The following KCNB2 variants were observed in gnomAD, a reference collection of about 807,000 sequenced individuals.
KCNB2 encodes delayed rectifier potassium channel protein.
Under a neutral mutation model 61.5 loss-of-function variants are expected in KCNB2, and 15 were observed. That is an observed-to-expected ratio of 0.24 (90% CI 0.16 to 0.38). The LOEUF (loss-of-function observed/expected upper bound fraction) is 0.38. KCNB2 is among the 10% of genes least tolerant of loss of function. KCNB2 has a pLI of 1.00. For synonymous variants in KCNB2, 457 were observed against 446.0 expected (o/e 1.02, Z -0.31); for missense variants, 828 against 1,125.2 (o/e 0.74, Z 3.78).
chr8:72,902,848 A>G (rs6472714), intron 2 of KCNB2, among the ~76,000 whole-genome samples: 87,786 of 151,960 alleles, frequency 0.58, 25,623 homozygotes, highest in Middle Eastern at 0.7. Flanking sequence ...CCTGCATCTT[A>G]TTTTTCCTCC....
At chr8:72,916,004 A>G (rs1246863991) in intron 2 of KCNB2, among the ~76,000 whole-genome samples, 1 of 152,092 alleles carries the variant, frequency 6.6e-6, no homozygotes, top group Admixed American at 6.6e-5. Flanking sequence ...TTTTTCAACT[A>G]TTTATAAGGC....
In KCNB2 at chr8:72,800,993, G is replaced by T. The variant is rs538078436; in HGVS notation, c.580-134942G>T. Among the ~76,000 whole-genome samples the T allele has an allele frequency of 3.3e-5, 5 of 152,246 alleles. No homozygotes were observed. In the South Asian group the frequency reaches 1.0e-3, roughly 32 times the overall value. ...CACAAGTGTCCCTCACATTATGTTT[G>T]CTCTGTTTCCTGTATGAGATGGTTC... On this transcript the variant is annotated intron_variant, in intron 2 of 2. Transcript: ENST00000523207.
intron 2 of KCNB2, among the ~76,000 whole-genome samples, chr8:72,597,061 G>A (rs1048203768): frequency 1.7e-5 from 2 of 115,626 alleles, no homozygotes; most frequent in African/African-American, 6.8e-5. Context: ...CTCTCATTCT[G>A]TCACCAGGCT....
chr8:72,840,751 C>A (rs1020914345), intron 2 of KCNB2, among the ~76,000 whole-genome samples: 1 of 150,534 alleles, frequency 6.6e-6, no homozygotes, highest in African/African-American at 2.4e-5. Flanking sequence ...TTTTTGATGG[C>A]ATTTTTTTTT....
intron 2 of KCNB2, among the ~76,000 whole-genome samples, chr8:72,767,312 G>A (rs1244281049): frequency 6.6e-6 from 1 of 151,956 alleles, no homozygotes; most frequent in Non-Finnish European, 1.5e-5. Context: ...CAATGTAATT[G>A]TTATAGTATA....
intron 2 of KCNB2, among the ~76,000 whole-genome samples, chr8:72,799,271 G>GTTAGT (rs1320746699): frequency 3.3e-5 from 5 of 152,166 alleles, no homozygotes; most frequent in African/African-American, 9.6e-5. Context: ...GCAAATCAAT[G>GTTAGT]TTAGTTTTCT....
intron 2 of KCNB2, among the ~76,000 whole-genome samples, chr8:72,625,736 A>G (rs1230964622): frequency 2.0e-5 from 3 of 152,274 alleles, no homozygotes; most frequent in Non-Finnish European, 4.4e-5. Context: ...CAGAAAAATG[A>G]GCATTTCTTT....
intron 2 of KCNB2, among the ~76,000 whole-genome samples, chr8:72,709,579 A>G (rs1807291034): frequency 6.6e-6 from 1 of 151,830 alleles, no homozygotes; most frequent in African/African-American, 2.4e-5. Flanking sequence ...GAGAGGAGAG[A>G]TGCCATACAC....
intron 2 of KCNB2, among the ~76,000 whole-genome samples, chr8:72,780,400 T>C (rs183232256): frequency 1.3e-3 from 193 of 152,330 alleles, no homozygotes; most frequent in African/African-American, 4.2e-3. Flanking sequence ...AATTTTAATA[T>C]TGTCATGTAG....
intron 2 of KCNB2, chr8:72,618,732 ATTTTGTCTAC>A (rs1368970674): frequency 1.2e-5 from 2 of 168,228 alleles, no homozygotes; most frequent in African/African-American, 4.8e-5. Context: ...TCACGGTTCC[ATTTTGTCTAC>A]TTTCTTTGTA....
chr8:72,843,372 T>C (rs1369884174), intron 2 of KCNB2, among the ~76,000 whole-genome samples: 1 of 152,142 alleles, frequency 6.6e-6, no homozygotes. Flanking sequence ...GGTCAATTTT[T>C]GAATAAGTGT....
At chr8:72,911,188 G>A (rs1018036554) in intron 2 of KCNB2, among the ~76,000 whole-genome samples, 1 of 152,190 alleles carries the variant, frequency 6.6e-6, no homozygotes, top group Non-Finnish European at 1.5e-5. Flanking sequence ...ACAACAGTCT[G>A]CATCACTAGA....
intron 2 of KCNB2, among the ~76,000 whole-genome samples, chr8:72,884,061 CCT>C (rs1475981708): frequency 6.6e-6 from 1 of 152,086 alleles, no homozygotes; most frequent in Non-Finnish European, 1.5e-5. Flanking sequence ...AGCTTTCATT[CCT>C]CTTTCTCTTT....
intron 2 of KCNB2, among the ~76,000 whole-genome samples, chr8:72,724,690 T>C (rs1807604039): frequency 6.6e-6 from 1 of 152,124 alleles, no homozygotes; most frequent in Non-Finnish European, 1.5e-5. Flanking sequence ...AAATTATTAG[T>C]TGTATATCTG....
chr8:72,628,877 G>A (rs756418619), intron 2 of KCNB2, among the ~76,000 whole-genome samples: 12 of 152,186 alleles, frequency 7.9e-5, no homozygotes, highest in Non-Finnish European at 1.5e-4. Flanking sequence ...ATAAAGTCCT[G>A]TATGCCTCCC....
intron 1 of KCNB2, among the ~76,000 whole-genome samples, chr8:72,562,897 G>A (rs74619934): frequency 0.021 from 3,227 of 152,140 alleles, 100 homozygotes; most frequent in African/African-American, 0.073. Flanking sequence ...CTCTAGGGTC[G>A]TAAAACACAA....
chr8:72,729,663 C>T (rs1388319765), intron 2 of KCNB2, among the ~76,000 whole-genome samples: 1 of 152,166 alleles, frequency 6.6e-6, no homozygotes, highest in Non-Finnish European at 1.5e-5. Flanking sequence ...ACGGGTGGAT[C>T]ACCTGAGGTC....
chr8:72,645,979 T>C lies in KCNB2; in HGVS notation c.579+77666T>C, dbSNP rs963032180. On this transcript the variant is annotated intron_variant, in intron 2 of 2. Transcript: ENST00000523207. ...CTGAAATGTCAATTGATGATCTTTT[T>C]CTCTTCAGTTTTTCATTAGTGTTGT... Among the ~76,000 whole-genome samples, 4 of 152,170 alleles carry C rather than the reference T, an allele frequency of 2.6e-5. 1 individual carries two copies. Among genetic ancestry groups the C allele is most frequent in the African/African-American group, 7.2e-5 (3 of 41,448 alleles).
intron 2 of KCNB2, among the ~76,000 whole-genome samples, chr8:72,597,885 G>A (rs1185320899): frequency 6.6e-6 from 1 of 152,186 alleles, no homozygotes; most frequent in African/African-American, 2.4e-5. Context: ...TGGTAGGAGT[G>A]TAAATTAGTT....
Sources: allele counts gnomAD v4.1 joint callset (sites outside exome capture counted in the v4.1 genomes callset), GRCh38; gene constraint gnomAD v4.1.1; transcripts MANE v1.5; gene names NCBI Gene and HGNC (gene_info 2026-07-23, HGNC 2026-07-21).